The following PPP2R2B variants were observed in gnomAD, a reference collection of about 807,000 sequenced individuals.
The protein encoded by PPP2R2B is serine/threonine-protein phosphatase 2A 55 kDa regulatory subunit B beta isoform.
PPP2R2B carries 5 observed loss-of-function variants against 46.0 expected under a neutral mutation model. That is an observed-to-expected ratio of 0.11 (90% CI 0.06 to 0.23). The LOEUF (loss-of-function observed/expected upper bound fraction) is 0.23. PPP2R2B is among the 10% of genes least tolerant of loss of function. The pLI, the probability that PPP2R2B is intolerant of heterozygous loss-of-function variation, is 1.00. For missense variants in PPP2R2B, 367 were observed against 575.0 expected (o/e 0.64, Z 3.70); for synonymous variants, 215 against 206.7 (o/e 1.04, Z -0.34).
chr5:146,990,652 G>A (rs940791957), intron 1 of PPP2R2B, among the ~76,000 whole-genome samples: 1 of 152,064 alleles, frequency 6.6e-6, no homozygotes, highest in Non-Finnish European at 1.5e-5. Context: ...TGAAATTGGA[G>A]TAGGCAAAGA....
intron 1 of PPP2R2B, among the ~76,000 whole-genome samples, chr5:146,926,604 C>T (rs1338498478): frequency 2.6e-5 from 4 of 152,118 alleles, no homozygotes; most frequent in African/African-American, 9.7e-5. Flanking sequence ...TAGTGGTCAG[C>T]TAATGATTGA....
chr5:146,727,062 G>T (rs953070917), intron 2 of PPP2R2B, among the ~76,000 whole-genome samples: 25 of 152,042 alleles, frequency 1.6e-4, no homozygotes, highest in African/African-American at 5.3e-4. Flanking sequence ...CTCTACAAAG[G>T]GGTTCTTTTG....
chr5:147,018,034 C>A (rs1190353323), intron 1 of PPP2R2B, among the ~76,000 whole-genome samples: 1 of 19,744 alleles, frequency 5.1e-5, no homozygotes, highest in Non-Finnish European at 1.2e-4. Flanking sequence ...CACACACATG[C>A]ATGCGCGCGC....
intron 7 of PPP2R2B, among the ~76,000 whole-genome samples, chr5:146,616,463 T>A (rs922101244): frequency 6.6e-6 from 1 of 152,152 alleles, no homozygotes; most frequent in Non-Finnish European, 1.5e-5. Flanking sequence ...GGAAAATATT[T>A]GCAAACTACC....
chr5:146,949,128 T>C (rs1165230588), intron 1 of PPP2R2B, among the ~76,000 whole-genome samples: 1 of 152,040 alleles, frequency 6.6e-6, no homozygotes, highest in East Asian at 1.9e-4. Flanking sequence ...TTACAGATGA[T>C]TAGGAGTTTG....
At chr5:146,623,085 G>A (rs547820129) in intron 7 of PPP2R2B, among the ~76,000 whole-genome samples, 13 of 152,084 alleles carry the variant, frequency 8.5e-5, no homozygotes, top group East Asian at 1.9e-4. Context: ...GGAATCTTCC[G>A]GTACTTAATA....
chr5:147,074,035 C>CAAA (rs1187876886), intron 2 of PPP2R2B, among the ~76,000 whole-genome samples: 24 of 113,854 alleles, frequency 2.1e-4, no homozygotes, highest in Non-Finnish European at 5.8e-5. Flanking sequence ...GGCTCTGTCT[C>CAAA]AAAAAAAAAA....
chr5:147,002,858 C>A (rs1754243512), intron 1 of PPP2R2B, among the ~76,000 whole-genome samples: 1 of 152,032 alleles, frequency 6.6e-6, no homozygotes, highest in Non-Finnish European at 1.5e-5. Context: ...ACCAAAACTG[C>A]AGGTGGTTTT....
chr5:146,726,912 A>C (rs1344690420), intron 2 of PPP2R2B, among the ~76,000 whole-genome samples: 1 of 152,194 alleles, frequency 6.6e-6, no homozygotes, highest in Non-Finnish European at 1.5e-5. Context: ...TTAGATTTGC[A>C]TGGCTTTGTA....
chr5:146,845,105 C>T (rs1160432209), intron 2 of PPP2R2B, among the ~76,000 whole-genome samples: 6 of 152,112 alleles, frequency 3.9e-5, no homozygotes, highest in African/African-American at 1.4e-4. Context: ...AGCCTCAGGG[C>T]TCTTGGACAT....
chr5:147,027,415 A>G (rs1456254035), intron 1 of PPP2R2B, among the ~76,000 whole-genome samples: 2 of 152,116 alleles, frequency 1.3e-5, no homozygotes, highest in Non-Finnish European at 2.9e-5. Context: ...CCGGCGGATC[A>G]TGAGGTCAGG....
At chr5:146,774,245 A>T (rs984206116) in intron 2 of PPP2R2B, among the ~76,000 whole-genome samples, 9 of 152,162 alleles carry the variant, frequency 5.9e-5, no homozygotes, top group African/African-American at 2.2e-4. Context: ...ATAGGAAGCT[A>T]TTTCACATAT....
intron 1 of PPP2R2B, among the ~76,000 whole-genome samples, chr5:146,896,714 C>T (rs1302453182): frequency 1.3e-5 from 2 of 151,548 alleles, no homozygotes; most frequent in Non-Finnish European, 2.9e-5. Flanking sequence ...ATTCACTTTC[C>T]TGTTATTCAG....
chr5:147,081,222 A>C (rs1048858385), intron 1 of PPP2R2B: 15 of 1,535,446 alleles, frequency 9.8e-6, no homozygotes, highest in African/African-American at 4.1e-5. Context: ...AATATATAGC[A>C]GAATCTATGC....
intron 1 of PPP2R2B, among the ~76,000 whole-genome samples, chr5:147,051,933 G>A (rs1756847165): frequency 6.6e-6 from 1 of 151,230 alleles, no homozygotes. Context: ...CAGCTTGAAT[G>A]GCTTCTTTAC....
chr5:146,717,355 G>A (rs1460084011), intron 2 of PPP2R2B, among the ~76,000 whole-genome samples: 2 of 152,196 alleles, frequency 1.3e-5, no homozygotes, highest in Admixed American at 1.3e-4. Context: ...ATTGCCTCTG[G>A]AGGATATGAA....
At chr5:146,934,346 G>T (rs1764069775) in intron 1 of PPP2R2B, among the ~76,000 whole-genome samples, 1 of 151,252 alleles carries the variant, frequency 6.6e-6, no homozygotes. Context: ...AGCACCTGTT[G>T]TTTCCTGACT....
intron 1 of PPP2R2B, among the ~76,000 whole-genome samples, chr5:146,940,306 G>T (rs1431242909): frequency 6.6e-6 from 1 of 152,148 alleles, no homozygotes; most frequent in Non-Finnish European, 1.5e-5. Context: ...ACTTGGCCAG[G>T]ATAGTTGATT....
At chr5:146,726,475 C>T (rs137991723) in intron 2 of PPP2R2B, among the ~76,000 whole-genome samples, 13 of 152,124 alleles carry the variant, frequency 8.5e-5, no homozygotes, top group Admixed American at 5.2e-4. Flanking sequence ...CAATAGTGAC[C>T]ATATTTATTG....
Sources: allele counts gnomAD v4.1 joint callset (sites outside exome capture counted in the v4.1 genomes callset), GRCh38; gene constraint gnomAD v4.1.1; transcripts MANE v1.5; gene names NCBI Gene and HGNC (gene_info 2026-07-23, HGNC 2026-07-21).